Variants in ZNF354C observed in about 807,000 individuals in gnomAD.
The protein encoded by ZNF354C is zinc finger protein 354C.
A neutral mutation model predicts 12.4 loss-of-function variants in ZNF354C; 7 were observed. The observed-to-expected ratio is 0.56, with a 90% CI of 0.32 to 1.06. ZNF354C has a LOEUF of 1.06. Among genes scored for constraint, ZNF354C ranks in the 50% least tolerant of loss-of-function variants. The pLI, the probability that ZNF354C is intolerant of heterozygous loss-of-function variation, is 0.04. For missense variants in ZNF354C, 609 were observed against 658.0 expected (o/e 0.93, Z 0.81); for synonymous variants, 202 against 224.5 (o/e 0.90, Z 0.90).
chr5:179,061,573 C>A (rs1761892976), intron 1 of ZNF354C, among the ~76,000 whole-genome samples: 2 of 152,170 alleles, frequency 1.3e-5, no homozygotes, highest in South Asian at 4.2e-4. Context: ...TCAGGGCGAG[C>A]AGTGGGGTCT....
chr5:179,077,164 T>C lies in ZNF354C; in HGVS notation c.248T>C (p.Leu83Pro). 1 of 1,613,712 alleles carries C rather than the reference T, an allele frequency of 6.2e-7. No individual in the cohort carries two copies. The highest frequency in any genetic ancestry group is 8.5e-7 in the Non-Finnish European group (1 of 1,179,614). The change falls in exon 4 of 5, where the codon CTA (leucine) becomes CCA (proline). Residue 83 changes from leucine (L) to proline (P), a missense_variant and splice_region_variant. Transcript: ENST00000315475. ...AGAGAAGTCCCTTCAGATACCCGTC[T>C]AGGTAAGTGAGAGGCTGGGAAATGG... ...VEREVPSDTRLGFKTWLETEA... is the reference protein window; with the variant it reads ...VEREVPSDTRPGFKTWLETEA...
At chr5:179,067,044 T>G (rs1195178083) in intron 2 of ZNF354C, among the ~76,000 whole-genome samples, 2 of 152,218 alleles carry the variant, frequency 1.3e-5, no homozygotes, top group African/African-American at 4.8e-5. Flanking sequence ...TGCTATATAG[T>G]AAGAAGATTT....
chr5:179,078,830 A>C lies in ZNF354C; in HGVS notation c.398A>C (p.Glu133Ala). The change falls in exon 5 of 5, where the codon GAG becomes GCG. Residue 133 changes from glutamate (E) to alanine (A), a missense_variant. By Grantham distance (107) the Glu-to-Ala change is moderately radical (BLOSUM62 -1). Transcript: ENST00000315475. ...GAAGAAGCTGTGGAATTTGAGAGCG[A>C]GATAGAAGAAGAGCAAGAGAAGAAA... ...NFEEAVEFES[E>A]IEEEQEKKPL... is the part of the protein sequence containing the mutation. 6.2e-7 allele frequency: 1 copy of C among 1,614,092 alleles called. No homozygotes were observed. Among genetic ancestry groups the C allele is most frequent in the South Asian group, 1.1e-5 (1 of 91,082 alleles).
rs113510381 is a variant in ZNF354C, at chr5:179,070,935, G to A, written c.28-5510G>A. Among the ~76,000 whole-genome samples the A allele has an allele frequency of 8.8e-3, 1,218 of 138,650 alleles. 15 individuals are homozygous for A. The highest frequency in any genetic ancestry group is 0.031 in the African/African-American group (1,142 of 36,910). 91.0% of individuals were successfully genotyped at this position (138,650 alleles called of 152,430 possible). A position where few individuals can be genotyped will look rare whatever the true frequency, so the allele number is the denominator to read the frequency against. On this transcript the variant is annotated intron_variant, in intron 2 of 4. Coordinates refer to ENST00000315475, the MANE Select transcript of ZNF354C (RefSeq NM_014594.3). ...GCGATCTCGGCTCACTGCAAGCTCC[G>A]CCTCTCAGGTTCACGCCATTCTCCT...
At chr5:179,072,518 T>C (rs1762064618) in intron 2 of ZNF354C, among the ~76,000 whole-genome samples, 2 of 152,114 alleles carry the variant, frequency 1.3e-5, no homozygotes, top group African/African-American at 4.8e-5. Context: ...AAGGAAATAA[T>C]GGCCTAAAAT....
At chr5:179,070,441 G>T (rs1245972136) in intron 2 of ZNF354C, among the ~76,000 whole-genome samples, 1 of 152,168 alleles carries the variant, frequency 6.6e-6, no homozygotes, top group East Asian at 1.9e-4. Context: ...TCTTGTGCTG[G>T]TGAGGCTGTA....
At chr5:179,075,148 A>G (rs1231103841) in intron 2 of ZNF354C, among the ~76,000 whole-genome samples, 1 of 151,434 alleles carries the variant, frequency 6.6e-6, no homozygotes, top group Non-Finnish European at 1.5e-5. Flanking sequence ...AGTCCCAGCT[A>G]CTCGGGAGGC....
chr5:179,071,963 G>T (rs981651345), intron 2 of ZNF354C, among the ~76,000 whole-genome samples: 7 of 152,108 alleles, frequency 4.6e-5, no homozygotes, highest in Admixed American at 1.3e-4. Context: ...AAAAAAGTCA[G>T]TACTCTTCAA....
At chr5:179,076,609 G>A (rs1435449561) in intron 3 of ZNF354C, 38 bp downstream of exon 3, 2 of 1,609,714 alleles carry the variant, frequency 1.2e-6, no homozygotes, top group Non-Finnish European at 1.7e-6. Context: ...TCTGTTATAG[G>A]AACGCCTCAC....
In ZNF354C at chr5:179,081,428, C is replaced by A. The variant is rs1762225180; in HGVS notation, c.*1331C>A. 6.6e-6 allele frequency: 1 copy of A among 151,820 alleles called. No individual in the cohort carries two copies. Among genetic ancestry groups the A allele is most frequent in the Non-Finnish European group, 1.5e-5 (1 of 67,962 alleles). The allele number at this position is 151,820 out of a possible 1,614,324, so 9.4% of individuals were successfully genotyped here. On this transcript the variant is annotated 3_prime_UTR_variant, in exon 5 of 5. Transcript: ENST00000315475. ...ATCAGTTTAAATGTTTAATTCCTCC[C>A]AGGCGTTTTTCCTCCAATTTTATAT... is the stretch of plus-strand genomic sequence containing the variant.
chr5:179,071,953 A>T (rs1165275894), intron 2 of ZNF354C, among the ~76,000 whole-genome samples: 2 of 152,196 alleles, frequency 1.3e-5, no homozygotes, highest in South Asian at 2.1e-4. Context: ...CTACCTGCTT[A>T]AAAAAGTCAG....
intron 2 of ZNF354C, among the ~76,000 whole-genome samples, chr5:179,067,290 C>T (rs1291873965): frequency 6.6e-6 from 1 of 152,182 alleles, no homozygotes; most frequent in South Asian, 2.1e-4. Context: ...AGCATCTACC[C>T]ATAATCTCTC....
chr5:179,069,354 A>G (rs1762010197), intron 2 of ZNF354C, among the ~76,000 whole-genome samples: 1 of 152,176 alleles, frequency 6.6e-6, no homozygotes, highest in African/African-American at 2.4e-5. Flanking sequence ...ATTCCTTTCT[A>G]CTGATGATAA....
intron 2 of ZNF354C, 127 bp downstream of exon 2, chr5:179,062,222 A>G (rs1761903432): frequency 1.1e-5 from 14 of 1,255,920 alleles, no homozygotes; most frequent in Non-Finnish European, 1.6e-5. Flanking sequence ...CGGAACCTCA[A>G]AAGTTTTTCC....
chr5:179,066,970 C>G (rs1051982525), intron 2 of ZNF354C, among the ~76,000 whole-genome samples: 8 of 152,180 alleles, frequency 5.3e-5, no homozygotes, highest in Non-Finnish European at 7.3e-5. Flanking sequence ...CTTATGGCAT[C>G]CCAATTACAT....
In ZNF354C at chr5:179,079,243, C is replaced by T. The variant is rs192562279; in HGVS notation, c.811C>T (p.Pro271Ser). The T allele has an allele frequency of 1.2e-6, 2 of 1,614,054 alleles. No homozygotes were observed. The highest frequency in any genetic ancestry group is 3.3e-5 in the Admixed American group (2 of 60,016). The change falls in exon 5 of 5, where the codon CCT becomes TCT. Residue 271 changes from proline to serine, a missense_variant. By Grantham distance (74) the Pro-to-Ser change is moderately conservative (BLOSUM62 -1). Transcript: ENST00000315475. This position sits in a 1 kb window ranked among gnomAD's most constrained non-coding sequence, Gnocchi z 4.2. The stretch of plus-strand genomic sequence containing the variant: ...TCAGAGAATTCATACTGGAGAGAAA[C>T]CTTACAAGTGTAATGAATGTGAGAA... ...SHQRIHTGEKPYKCNECEKAF... is the reference protein window; with the variant it reads ...SHQRIHTGEKSYKCNECEKAF...
chr5:179,064,262 GAC>G (rs1223455580), intron 2 of ZNF354C, among the ~76,000 whole-genome samples: 1 of 152,028 alleles, frequency 6.6e-6, no homozygotes, highest in Non-Finnish European at 1.5e-5. Flanking sequence ...TTTTTTTAGA[GAC>G]AGAGTTTTGC....
At chr5:179,065,555 A>G (rs933511811) in intron 2 of ZNF354C, among the ~76,000 whole-genome samples, 2 of 152,020 alleles carry the variant, frequency 1.3e-5, no homozygotes, top group African/African-American at 2.4e-5. Flanking sequence ...AGCTGGGATT[A>G]CAGACATGTG....
rs773041923 is a variant in ZNF354C, at chr5:179,079,272, A to G, written c.840A>G (p.Ala280=). 1 of 1,614,074 alleles carries G rather than the reference A, an allele frequency of 6.2e-7. No individual in the cohort carries two copies. The highest frequency in any genetic ancestry group is 2.2e-5 in the East Asian group (1 of 44,856). ...KPYKCNECEK[A]FSNSSTLIKH... ...ACAAGTGTAATGAATGTGAGAAGGCATTTAGCAACAGTTCAACCCTTATCA... is the reference window on the plus strand; with the variant it reads ...ACAAGTGTAATGAATGTGAGAAGGCGTTTAGCAACAGTTCAACCCTTATCA... Residue 280 remains alanine, a synonymous_variant, in exon 5 of 5, where the codon GCA becomes GCG. Transcript: ENST00000315475. This position sits in a 1 kb window ranked among gnomAD's most constrained non-coding sequence, Gnocchi z 4.2.
Sources: gnomAD v4.1 joint callset for allele counts (sites outside exome capture counted in the v4.1 genomes callset) on GRCh38, gnomAD v4.1.1 for gene constraint, Gnocchi (gnomAD v3.1) non-coding constraint, MANE v1.5 for transcripts, NCBI Gene and HGNC (gene_info 2026-07-23, HGNC 2026-07-21) for gene names.